The following FBXL2 variants were observed in gnomAD, a reference collection of about 807,000 sequenced individuals.
The protein encoded by FBXL2 is F-box and leucine rich repeat protein 2.
FBXL2 carries 38 observed loss-of-function variants against 69.2 expected under a neutral mutation model. The observed-to-expected ratio is 0.55, with a 90% CI of 0.42 to 0.72. FBXL2 has a LOEUF of 0.72. Among genes scored for constraint, FBXL2 ranks in the 30% least tolerant of loss-of-function variants. The pLI is 0.00. For synonymous variants in FBXL2, 192 were observed against 201.3 expected (o/e 0.95, Z 0.39); for missense variants, 354 against 520.3 (o/e 0.68, Z 3.11).
intron 2 of FBXL2, among the ~76,000 whole-genome samples, chr3:33,345,736 G>T (rs2040383316): frequency 6.6e-6 from 1 of 152,008 alleles, no homozygotes; most frequent in Non-Finnish European, 1.5e-5. Flanking sequence ...ATCAATAACA[G>T]AAAGCCAAAA....
Position 33,359,119 on chromosome 3 carries a change from A to G in FBXL2, c.120+98A>G, listed in dbSNP as rs2041426293. 5 of 917,706 alleles carry G rather than the reference A, an allele frequency of 5.4e-6. No homozygotes were observed. In the South Asian group the frequency reaches 6.5e-5, roughly 12 times the overall value. 56.8% of individuals were successfully genotyped at this position (917,706 alleles called of 1,614,324 possible). A position where few individuals can be genotyped will look rare whatever the true frequency, so the allele number is the denominator to read the frequency against. On this transcript the variant is annotated intron_variant, in intron 3 of 14. Transcript: ENST00000484457. The stretch of plus-strand genomic sequence containing the variant: ...GAAAATTAAAATTTTATTATCTTTT[A>G]TACTTAATATAACATAATGGTATAA...
In FBXL2 at chr3:33,311,473, AT is replaced by A. The variant is rs919262052; in HGVS notation, c.65+13756del. 2.0e-5 allele frequency among the ~76,000 whole-genome samples: 3 copies of A among 150,018 alleles called. No homozygotes were observed. The East Asian group carries it at 5.9e-4, about 29-fold the overall frequency. On this transcript the variant is annotated intron_variant, in intron 2 of 14. Transcript: ENST00000484457. The stretch of plus-strand genomic sequence containing the variant: ...TGATAGGCTTTCTTCACTCTTTTTC[AT>A]TTTTTTTCCTTTTTGTTCCTCTGAG...
At chr3:33,412,599 A>G in the FBXL2 span, 2 of 651,990 alleles carry the variant, frequency 3.1e-6, no homozygotes, top group Admixed American at 2.8e-5. Context: ...AAAAAAAAAG[A>G]CACAAAATCC....
At chr3:33,336,403 C>T (rs1477842921) in intron 2 of FBXL2, among the ~76,000 whole-genome samples, 3 of 151,892 alleles carry the variant, frequency 2.0e-5, no homozygotes, top group African/African-American at 7.3e-5. Context: ...GAAAAACAAA[C>T]CTTGATACCT....
intron 5 of FBXL2, among the ~76,000 whole-genome samples, chr3:33,370,631 C>T (rs1314040590): frequency 6.6e-6 from 1 of 151,838 alleles, no homozygotes; most frequent in East Asian, 1.9e-4. Context: ...CTCTCTCTTC[C>T]TCTCTCTGGA....
chr3:33,344,096 T>G (rs2040266221), intron 2 of FBXL2, among the ~76,000 whole-genome samples: 1 of 149,880 alleles, frequency 6.7e-6, no homozygotes, highest in African/African-American at 2.5e-5. Context: ...CAAAAAAAGA[T>G]AACACTCATA....
At chr3:33,341,921 G>A (rs1039313036) in intron 2 of FBXL2, among the ~76,000 whole-genome samples, 1 of 149,110 alleles carries the variant, frequency 6.7e-6, no homozygotes, top group Non-Finnish European at 1.5e-5. Context: ...CAGGGTAGGT[G>A]TTATAATAAG....
intron 11 of FBXL2, 69 bp from the exon 12 acceptor site, chr3:33,378,034 T>C (rs749200292): frequency 3.3e-5 from 48 of 1,465,462 alleles, no homozygotes; most frequent in African/African-American, 4.2e-5. Context: ...CTCAGAGGGA[T>C]AGGGCAAGCC....
chr3:33,383,867 G>A, intron 13 of FBXL2, 122 bp from the exon 14 acceptor site: 1 of 799,286 alleles, frequency 1.3e-6, no homozygotes, highest in Non-Finnish European at 2.1e-6. Flanking sequence ...CATCTGCTGA[G>A]GGCATTCTTG....
intron 14 of FBXL2, 97 bp downstream of exon 14, chr3:33,384,298 C>A: frequency 8.4e-7 from 1 of 1,193,848 alleles, no homozygotes; most frequent in Non-Finnish European, 1.2e-6. Context: ...CGGTGGCTCA[C>A]GCCTGTAATC....
intron 1 of FBXL2, among the ~76,000 whole-genome samples, chr3:33,280,958 C>T (rs1405129926): frequency 6.6e-6 from 1 of 152,078 alleles, no homozygotes; most frequent in African/African-American, 2.4e-5. Context: ...TATTTGTGGT[C>T]AAGACTTGTC....
chr3:33,366,704 C>T (rs1280565690), intron 5 of FBXL2, among the ~76,000 whole-genome samples: 2 of 152,114 alleles, frequency 1.3e-5, no homozygotes, highest in Admixed American at 1.3e-4. Flanking sequence ...GTGGCTCATG[C>T]CTGTAATCCC....
At chr3:33,323,907 A>G (rs1167662219) in intron 2 of FBXL2, among the ~76,000 whole-genome samples, 2 of 152,170 alleles carry the variant, frequency 1.3e-5, no homozygotes, top group African/African-American at 2.4e-5. Flanking sequence ...GGTTGAACTA[A>G]TTTACACTCC....
chr3:33,339,930 G>A (rs1428811358), intron 2 of FBXL2, among the ~76,000 whole-genome samples: 1 of 152,178 alleles, frequency 6.6e-6, no homozygotes, highest in Non-Finnish European at 1.5e-5. Flanking sequence ...TATTCATTAA[G>A]GGAACACTAC....
At chr3:33,333,178 A>T (rs753278854) in intron 2 of FBXL2, among the ~76,000 whole-genome samples, 1 of 152,200 alleles carries the variant, frequency 6.6e-6, no homozygotes, top group Non-Finnish European at 1.5e-5. Flanking sequence ...GTTACACAAC[A>T]TTCTGAATGG....
the FBXL2 span, among the ~76,000 whole-genome samples, chr3:33,415,434 C>A: frequency 5.9e-5 from 9 of 152,100 alleles, no homozygotes; most frequent in Admixed American, 5.2e-4. Flanking sequence ...AAAAAAAGCA[C>A]AAGGGGAATA....
At chr3:33,338,476 CT>C (rs573986903) in intron 2 of FBXL2, among the ~76,000 whole-genome samples, 196 of 152,130 alleles carry the variant, frequency 1.3e-3, no homozygotes, top group South Asian at 7.1e-3. Flanking sequence ...CAAAACTATC[CT>C]AAGCAAAAAG....
rs1283245884 is a variant in FBXL2, at chr3:33,277,468, C to T, written c.-45C>T. ...TCACCAGGACAACGGGCGTCGCCGG[C>T]GCCGTGTGACTTCGGGCTGTGGGCT... On this transcript the variant is annotated 5_prime_UTR_variant, in exon 1 of 15. Transcript: ENST00000484457. 2 of 1,272,176 alleles carry T rather than the reference C, an allele frequency of 1.6e-6. No individual in the cohort carries two copies. Among genetic ancestry groups the T allele is most frequent in the South Asian group, 3.2e-5 (1 of 31,112 alleles). 78.8% of individuals were successfully genotyped at this position (1,272,176 alleles called of 1,614,324 possible).
intron 1 of FBXL2, among the ~76,000 whole-genome samples, chr3:33,286,704 C>A (rs1187229477): frequency 1.3e-5 from 2 of 152,224 alleles, no homozygotes; most frequent in Non-Finnish European, 2.9e-5. Flanking sequence ...AGCTTCCCGG[C>A]TGCTTTGTTT....
Sources: allele counts gnomAD v4.1 joint callset (sites outside exome capture counted in the v4.1 genomes callset), GRCh38; gene constraint gnomAD v4.1.1; transcripts MANE v1.5; gene names NCBI Gene and HGNC (gene_info 2026-07-23, HGNC 2026-07-21).